BANK1: variants seen among roughly 807,000 people sequenced by gnomAD.
BANK1 encodes B-cell scaffold protein with ankyrin repeats.
A neutral mutation model predicts 94.5 loss-of-function variants in BANK1; 95 were observed. The observed-to-expected ratio is 1.00, with a 90% CI of 0.85 to 1.19. BANK1 has a LOEUF of 1.19. BANK1 is among the 50% of genes most tolerant of loss of function. The probability of loss-of-function intolerance (pLI) is 0.00; values close to 1 mark genes in which losing one functional copy is unlikely to be tolerated. For missense variants in BANK1, 987 were observed against 932.2 expected (o/e 1.06, Z -0.77); for synonymous variants, 334 against 308.4 (o/e 1.08, Z -0.87).
chr4:102,026,626 C>T (rs947125657), intron 9 of BANK1, among the ~76,000 whole-genome samples: 1 of 151,930 alleles, frequency 6.6e-6, no homozygotes. Context: ...GTCAGGAGTT[C>T]GAGACCAGTC....
chr4:102,000,842 CTA>C (rs750954457), intron 7 of BANK1, among the ~76,000 whole-genome samples: 3 of 152,190 alleles, frequency 2.0e-5, no homozygotes, highest in Non-Finnish European at 2.9e-5. Context: ...ATCGATTGGA[CTA>C]TAGGATCCAA....
rs571377590 is a variant in BANK1 at position 102,030,540 on chromosome 4, C to G, written c.1900+275C>G. ...TGGTAGTCTGCTGTACCCATCAACC[C>G]GTCACCTACATTGGGTATTTCTCCT... On this transcript the variant is annotated intron_variant, in intron 10 of 16. Transcript: ENST00000322953. Among the ~76,000 whole-genome samples the G allele has an allele frequency of 5.9e-5, 9 of 151,838 alleles. No homozygotes were observed. The East Asian group carries it at 1.6e-3, about 26-fold the overall frequency.
intron 5 of BANK1, among the ~76,000 whole-genome samples, chr4:101,875,107 G>A (rs528083330): frequency 1.6e-4 from 25 of 152,204 alleles, no homozygotes; most frequent in East Asian, 9.7e-4. Flanking sequence ...TAAAGAATCT[G>A]GTTTAACGTT....
intron 1 of BANK1, among the ~76,000 whole-genome samples, chr4:101,801,177 G>T (rs1313174015): frequency 3.3e-5 from 5 of 152,134 alleles, no homozygotes; most frequent in Non-Finnish European, 5.9e-5. Context: ...GTGATGTGCT[G>T]TAAATGTAAA....
intron 6 of BANK1, among the ~76,000 whole-genome samples, chr4:101,906,716 T>A (rs2148895549): frequency 6.6e-6 from 1 of 152,332 alleles, no homozygotes. Context: ...ATTGTTACCC[T>A]GATGCTTCTG....
intron 7 of BANK1, among the ~76,000 whole-genome samples, chr4:101,944,830 A>G (rs1015815362): frequency 3.3e-5 from 5 of 151,970 alleles, no homozygotes; most frequent in Non-Finnish European, 5.9e-5. Flanking sequence ...GTGAGATCAC[A>G]ATGTACCTCA....
At chr4:101,829,749 T>G in intron 1 of BANK1, 59 bp from the exon 2 acceptor site, 1 of 1,188,306 alleles carries the variant, frequency 8.4e-7, no homozygotes. Context: ...TTTTGAGAAA[T>G]AATAATTTAA....
At chr4:101,950,046 T>C (rs200505996) in intron 7 of BANK1, among the ~76,000 whole-genome samples, 2 of 88,256 alleles carry the variant, frequency 2.3e-5, no homozygotes, top group Non-Finnish European at 5.4e-5. Flanking sequence ...TGTGTGTGTG[T>C]GTGTGTGTGT....
intron 5 of BANK1, among the ~76,000 whole-genome samples, chr4:101,890,561 TATTA>T (rs1721826472): frequency 6.7e-6 from 1 of 148,816 alleles, no homozygotes. Context: ...TTATAAATAT[TATTA>T]AAGTATAATT....
chr4:101,862,501 AATGGGTTAC>A lies in BANK1; in HGVS notation c.625-22_625-14del. On this transcript the variant is annotated splice_polypyrimidine_tract_variant and intron_variant, in intron 3 of 16. Transcript: ENST00000322953. ...TAATGTAAACTTTTCCAAATGCTTA[AATGGGTTAC>A]ATTTTCATCTTACAGAATCCTGGTG... The A allele has an allele frequency of 3.2e-6, 5 of 1,580,926 alleles. No homozygotes were observed. The South Asian group carries it at 3.5e-5, about 11-fold the overall frequency.
intron 2 of BANK1, among the ~76,000 whole-genome samples, chr4:101,852,261 C>G (rs183191943): frequency 3.2e-4 from 49 of 151,624 alleles, no homozygotes; most frequent in Middle Eastern, 3.4e-3. Context: ...TGTTCTCAGT[C>G]TGCAATCTTC....
Position 102,072,330 on chromosome 4 carries a change from AGTTT to A in BANK1, c.2243-12_2243-9del. On this transcript the variant is annotated splice_polypyrimidine_tract_variant and intron_variant, in intron 14 of 16. Transcript: ENST00000322953. ...TGAATGAATAAAGAGGTAATAACTG[AGTTT>A]GTATTTCTAGGTAAGGAAACTGCCC... 6.5e-7 allele frequency: 1 copy of A among 1,549,674 alleles called. No individual in the cohort carries two copies. Among genetic ancestry groups the A allele is most frequent in the South Asian group, 1.1e-5 (1 of 88,562 alleles).
rs376269393 is a variant in BANK1 at position 101,803,984 on chromosome 4, C to T, written c.70+13034C>T. On this transcript the variant is annotated intron_variant, in intron 1 of 16. Transcript: ENST00000322953. ...CTGCACTCCAGCCTGGGCGACAGAG[C>T]GAGACTCCGTCTCAAAAAAAAAAAA... 6.1e-3 allele frequency among the ~76,000 whole-genome samples: 580 copies of T among 95,128 alleles called. 12 individuals carry two copies. The East Asian group carries it at 0.079, about 13-fold the overall frequency. 62.4% of individuals were successfully genotyped at this position (95,128 alleles called of 152,430 possible).
chr4:101,981,027 A>C (rs200515139), intron 7 of BANK1, among the ~76,000 whole-genome samples: 2 of 152,190 alleles, frequency 1.3e-5, no homozygotes, highest in East Asian at 3.9e-4. Context: ...AAATATAGTG[A>C]TAGTTTCTCC....
chr4:102,005,134 T>A (rs565300435), intron 7 of BANK1, among the ~76,000 whole-genome samples: 1 of 152,074 alleles, frequency 6.6e-6, no homozygotes, highest in Non-Finnish European at 1.5e-5. Flanking sequence ...CTAAAATAGA[T>A]GTTCAATGGT....
intron 2 of BANK1, among the ~76,000 whole-genome samples, chr4:101,832,119 A>G (rs1726645434): frequency 6.6e-6 from 1 of 152,356 alleles, no homozygotes; most frequent in South Asian, 2.1e-4. Context: ...CTTGTCTTAC[A>G]CTGAAGGTAG....
At chr4:101,864,321 T>G (rs780504164) in intron 4 of BANK1, among the ~76,000 whole-genome samples, 3 of 152,210 alleles carry the variant, frequency 2.0e-5, no homozygotes, top group Non-Finnish European at 4.4e-5. Context: ...TTTCTCTGCT[T>G]CATGTCACTG....
chr4:101,911,704 CAGCA>C (rs1435311217), intron 6 of BANK1, among the ~76,000 whole-genome samples: 2 of 152,204 alleles, frequency 1.3e-5, no homozygotes, highest in Non-Finnish European at 2.9e-5. Flanking sequence ...TGGACTAAGG[CAGCA>C]ATTTAGATTG....
intron 7 of BANK1, among the ~76,000 whole-genome samples, chr4:101,991,521 G>A (rs569154381): frequency 6.6e-6 from 1 of 152,236 alleles, no homozygotes; most frequent in South Asian, 2.1e-4. Flanking sequence ...AGTTGAAAAT[G>A]TCTTCTACAT....
Sources: gnomAD v4.1 joint callset for allele counts (sites outside exome capture counted in the v4.1 genomes callset) on GRCh38, gnomAD v4.1.1 for gene constraint, MANE v1.5 for transcripts, NCBI Gene and HGNC (gene_info 2026-07-23, HGNC 2026-07-21) for gene names.